The following KCTD8 variants were observed in gnomAD, a reference collection of about 807,000 sequenced individuals.
KCTD8 encodes potassium channel tetramerization domain containing 8, also known as BTB/POZ domain-containing protein KCTD8.
In KCTD8, 27 loss-of-function variants were observed where a neutral mutation model predicts 31.5. The observed-to-expected ratio is 0.86, with a 90% CI of 0.63 to 1.18. The LOEUF (loss-of-function observed/expected upper bound fraction) is 1.18. Ranked by LOEUF, KCTD8 falls within the 50% of genes most tolerant of loss-of-function variation. The pLI is 0.00. For missense variants in KCTD8, 658 were observed against 647.7 expected, an observed-to-expected ratio of 1.02 and a Z score of -0.17; for synonymous variants, 290 against 280.0, an observed-to-expected ratio of 1.04 and a Z score of -0.36.
chr4:44,285,723 C>T (rs1186132514), intron 1 of KCTD8, among the ~76,000 whole-genome samples: 1 of 152,114 alleles, frequency 6.6e-6, no homozygotes, highest in Non-Finnish European at 1.5e-5. Flanking sequence ...AACACAACAT[C>T]TATTCTGTAG....
intron 1 of KCTD8, among the ~76,000 whole-genome samples, chr4:44,175,578 T>TA (rs779927410): frequency 2.0e-4 from 30 of 151,570 alleles, no homozygotes; most frequent in South Asian, 6.3e-4. Flanking sequence ...TCCTGGAATA[T>TA]AAAAAAAAAT....
intron 1 of KCTD8, among the ~76,000 whole-genome samples, chr4:44,241,153 G>A (rs1312935751): frequency 6.6e-6 from 1 of 152,192 alleles, no homozygotes; most frequent in Non-Finnish European, 1.5e-5. Context: ...CAGCTTGCAA[G>A]CAGTGGTTGT....
At chr4:44,264,682 C>T (rs376517764) in intron 1 of KCTD8, among the ~76,000 whole-genome samples, 7 of 152,274 alleles carry the variant, frequency 4.6e-5, no homozygotes, top group South Asian at 2.1e-4. Flanking sequence ...CACTCCCCCC[C>T]GAATACTGCT....
intron 1 of KCTD8, among the ~76,000 whole-genome samples, chr4:44,429,999 A>G (rs1460742096): frequency 6.6e-6 from 1 of 151,454 alleles, no homozygotes; most frequent in African/African-American, 2.4e-5. Context: ...ATTGAGACTG[A>G]TAGTCAGGAA....
chr4:44,202,363 A>T (rs1698915395), intron 1 of KCTD8, among the ~76,000 whole-genome samples: 1 of 152,220 alleles, frequency 6.6e-6, no homozygotes, highest in African/African-American at 2.4e-5. Flanking sequence ...AATAGCAAAG[A>T]CATGGAATCA....
chr4:44,338,539 G>A (rs1718814298), intron 1 of KCTD8, among the ~76,000 whole-genome samples: 1 of 152,134 alleles, frequency 6.6e-6, no homozygotes, highest in Non-Finnish European at 1.5e-5. Flanking sequence ...ATCTTAATAG[G>A]TAGTGCTACA....
At chr4:44,181,298 C>A (rs149549223) in intron 1 of KCTD8, among the ~76,000 whole-genome samples, 1 of 151,798 alleles carries the variant, frequency 6.6e-6, no homozygotes, top group Middle Eastern at 3.4e-3. Flanking sequence ...GATGCCGAGC[C>A]GAGGCTGGAC....
intron 1 of KCTD8, among the ~76,000 whole-genome samples, chr4:44,189,073 G>C (rs1713680585): frequency 1.3e-5 from 2 of 152,238 alleles, no homozygotes; most frequent in South Asian, 4.1e-4. Flanking sequence ...TTAATAACTG[G>C]ATGATATTGG....
intron 1 of KCTD8, among the ~76,000 whole-genome samples, chr4:44,244,255 A>T (rs1466510175): frequency 6.6e-6 from 1 of 151,922 alleles, no homozygotes; most frequent in Non-Finnish European, 1.5e-5. Flanking sequence ...CTTAGGCTTC[A>T]TCTCCATATT....
At chr4:44,326,896 C>G (rs1938591983) in intron 1 of KCTD8, among the ~76,000 whole-genome samples, 1 of 151,714 alleles carries the variant, frequency 6.6e-6, no homozygotes, top group Non-Finnish European at 1.5e-5. Flanking sequence ...TTTATTCTGC[C>G]AAATGGGAAA....
intron 1 of KCTD8, among the ~76,000 whole-genome samples, chr4:44,338,848 A>G (rs1577624106): frequency 6.6e-6 from 1 of 152,198 alleles, no homozygotes; most frequent in East Asian, 1.9e-4. Flanking sequence ...AGATGGTGAG[A>G]AAAATAATCT....
At chr4:44,312,577 T>C (rs138283124) in intron 1 of KCTD8, among the ~76,000 whole-genome samples, 3 of 152,274 alleles carry the variant, frequency 2.0e-5, no homozygotes, top group Non-Finnish European at 2.9e-5. Flanking sequence ...TACACACTGA[T>C]GCACCTGGAA....
intron 1 of KCTD8, among the ~76,000 whole-genome samples, chr4:44,276,669 A>G (rs149491550): frequency 6.6e-6 from 1 of 152,120 alleles, no homozygotes; most frequent in African/African-American, 2.4e-5. Context: ...TTTAAACAGT[A>G]AAGCCAAGTG....
chr4:44,353,416 T>A (rs563270277), intron 1 of KCTD8, among the ~76,000 whole-genome samples: 1 of 152,206 alleles, frequency 6.6e-6, no homozygotes, highest in African/African-American at 2.4e-5. Flanking sequence ...TGTGTAATGA[T>A]TAAATTAGGG....
chr4:44,428,372 A>G (rs1721396816), intron 1 of KCTD8, among the ~76,000 whole-genome samples: 1 of 151,730 alleles, frequency 6.6e-6, no homozygotes, highest in Admixed American at 6.6e-5. Context: ...TAATGCCTTC[A>G]TGGGGAAAAG....
intron 1 of KCTD8, among the ~76,000 whole-genome samples, chr4:44,303,673 G>T (rs963443516): frequency 2.0e-5 from 3 of 151,832 alleles, no homozygotes; most frequent in Non-Finnish European, 1.5e-5. Context: ...AAAATTAGCT[G>T]GGTGTGGTGC....
chr4:44,330,196 T>C (rs1718559788), intron 1 of KCTD8, among the ~76,000 whole-genome samples: 1 of 152,018 alleles, frequency 6.6e-6, no homozygotes, highest in Non-Finnish European at 1.5e-5. Context: ...TCATCAGTAA[T>C]ATGTTGTTAG....
At chr4:44,335,998 A>T (rs1263782970) in intron 1 of KCTD8, among the ~76,000 whole-genome samples, 1 of 150,548 alleles carries the variant, frequency 6.6e-6, no homozygotes, top group East Asian at 1.9e-4. Context: ...AAAATACAAA[A>T]AATTAGCCGG....
chr4:44,365,004 T>C (rs1173202810), intron 1 of KCTD8, among the ~76,000 whole-genome samples: 1 of 152,102 alleles, frequency 6.6e-6, no homozygotes. Context: ...TACATGACAT[T>C]GTACACTTTC....
Sources: allele counts gnomAD v4.1 joint callset (sites outside exome capture counted in the v4.1 genomes callset), GRCh38; gene constraint gnomAD v4.1.1; transcripts MANE v1.5; gene names NCBI Gene and HGNC (gene_info 2026-07-23, HGNC 2026-07-21).